The following RIMBP2 variants were observed in gnomAD, a reference collection of about 807,000 sequenced individuals.
RIMBP2 encodes the protein RIMS-binding protein 2.
RIMBP2 carries 48 observed loss-of-function variants against 118.6 expected under a neutral mutation model. The observed-to-expected ratio is 0.40, with a 90% CI of 0.32 to 0.51. RIMBP2 has a LOEUF of 0.51. Among genes scored for constraint, RIMBP2 ranks in the 20% least tolerant of loss-of-function variants. The pLI, the probability that RIMBP2 is intolerant of heterozygous loss-of-function variation, is 0.41. For missense variants in RIMBP2, 1,551 were observed against 1,768.3 expected (o/e 0.88, Z 2.20); for synonymous variants, 762 against 742.9 (o/e 1.03, Z -0.42).
chr12:130,483,449 C>T (rs1242450031), intron 4 of RIMBP2, among the ~76,000 whole-genome samples: 1 of 152,224 alleles, frequency 6.6e-6, no homozygotes, highest in Non-Finnish European at 1.5e-5. Flanking sequence ...AAATAAACTG[C>T]TAAAAATATA....
rs774900484 is a variant in RIMBP2, at chr12:130,450,157, C to T, written c.581+43G>A. On this transcript the variant is annotated intron_variant, in intron 9 of 22. Coordinates refer to ENST00000690449, the MANE Select transcript of RIMBP2 (RefSeq NM_001393629.1). The surrounding 1 kb of genome is among the most constrained non-coding windows in gnomAD (Gnocchi z 4.8). ...TTCCCAGACCCAACATCTCATCTGC[C>T]CCACTCACAGGGGCTCGGTGGACGC... is the stretch of plus-strand genomic sequence containing the variant. The T allele has an allele frequency of 7.7e-7, 1 of 1,305,490 alleles. No individual in the cohort carries two copies. Among genetic ancestry groups the T allele is most frequent in the South Asian group, 1.2e-5 (1 of 81,094 alleles). The allele number at this position is 1,305,490 out of a possible 1,614,324, so 80.9% of individuals were successfully genotyped here.
intron 1 of RIMBP2, among the ~76,000 whole-genome samples, chr12:130,708,202 C>T (rs940075766): frequency 6.6e-6 from 1 of 152,158 alleles, no homozygotes; most frequent in Non-Finnish European, 1.5e-5. Context: ...ATAGAGACAG[C>T]AGATTCGCAG....
chr12:130,648,554 ATG>A (rs2063088287), intron 1 of RIMBP2, among the ~76,000 whole-genome samples: 1 of 145,884 alleles, frequency 6.9e-6, no homozygotes, highest in Admixed American at 6.9e-5. Flanking sequence ...TTAATGAGGT[ATG>A]TGTTTTTCTA....
At chr12:130,630,133 G>A (rs1409814844) in intron 1 of RIMBP2, among the ~76,000 whole-genome samples, 1 of 151,900 alleles carries the variant, frequency 6.6e-6, no homozygotes, top group Non-Finnish European at 1.5e-5. Flanking sequence ...AGATTTGGAT[G>A]ATAAAAGATA....
At chr12:130,625,252 T>C (rs2061553227) in intron 2 of RIMBP2, among the ~76,000 whole-genome samples, 2 of 152,354 alleles carry the variant, frequency 1.3e-5, no homozygotes, top group South Asian at 4.1e-4. Context: ...GTGAAAGTTG[T>C]TGATAACTTT....
chr12:130,629,571 A>G (rs1452293650), intron 1 of RIMBP2, among the ~76,000 whole-genome samples: 1 of 152,212 alleles, frequency 6.6e-6, no homozygotes, highest in Non-Finnish European at 1.5e-5. Context: ...GGTAGAGGTC[A>G]TAACAGCCAA....
chr12:130,429,608 G>A (rs1427088365), intron 14 of RIMBP2: 2 of 152,288 alleles, frequency 1.3e-5, no homozygotes, highest in Non-Finnish European at 2.9e-5. Flanking sequence ...GGTGTGGCAA[G>A]ACAAAGGTAT....
rs1325699190 is a variant in RIMBP2 at position 130,527,743 on chromosome 12, C to A, written c.-216-9826G>T. 9.6e-5 allele frequency among the ~76,000 whole-genome samples: 11 copies of A among 114,172 alleles called. 1 individual carries two copies. Among genetic ancestry groups the A allele is most frequent in the Admixed American group, 7.0e-4 (8 of 11,372 alleles). The allele number at this position is 114,172 out of a possible 152,430, so 74.9% of individuals were successfully genotyped here. ...TCTACAAGGAACTTAAACAGACTTACAAGAGAAAAAAAAAAAAACATTAAA... is the reference window on the plus strand; with the variant it reads ...TCTACAAGGAACTTAAACAGACTTAAAAGAGAAAAAAAAAAAAACATTAAA... On this transcript the variant is annotated intron_variant, in intron 2 of 22. Transcript: ENST00000690449.
intron 17 of RIMBP2, among the ~76,000 whole-genome samples, chr12:130,417,113 G>C (rs1267307385): frequency 6.6e-6 from 1 of 152,108 alleles, no homozygotes; most frequent in Non-Finnish European, 1.5e-5. Context: ...GCAAAGAAAA[G>C]AAACACTTAA....
chr12:130,483,427 G>A (rs185817464), intron 4 of RIMBP2, among the ~76,000 whole-genome samples: 4 of 152,298 alleles, frequency 2.6e-5, no homozygotes, highest in Admixed American at 2.6e-4. Context: ...AATAAAAGGG[G>A]AGAAACAGAA....
At chr12:130,519,165 T>C (rs886209408) in intron 2 of RIMBP2, among the ~76,000 whole-genome samples, 1 of 152,238 alleles carries the variant, frequency 6.6e-6, no homozygotes, top group Non-Finnish European at 1.5e-5. Context: ...TTCATCTCTG[T>C]TACAATATTT....
intron 1 of RIMBP2, among the ~76,000 whole-genome samples, chr12:130,695,200 T>C (rs1489423165): frequency 6.6e-6 from 1 of 152,210 alleles, no homozygotes; most frequent in Non-Finnish European, 1.5e-5. Context: ...GAGCCTTCCC[T>C]GGTCATGACA....
chr12:130,558,383 T>A (rs1204157283), intron 2 of RIMBP2, among the ~76,000 whole-genome samples: 1 of 152,190 alleles, frequency 6.6e-6, no homozygotes, highest in Non-Finnish European at 1.5e-5. Context: ...CACCTCTCTC[T>A]GCAAACACAC....
At chr12:130,407,890 T>A (rs776515378) in intron 19 of RIMBP2, 61 bp from the exon 20 acceptor site, 41 of 1,466,180 alleles carry the variant, frequency 2.8e-5, no homozygotes, top group Non-Finnish European at 3.8e-5. Context: ...TTAGCGGTGT[T>A]CCCCTCCTTC....
chr12:130,472,694 G>A (rs866742809), intron 5 of RIMBP2, among the ~76,000 whole-genome samples: 8 of 152,250 alleles, frequency 5.3e-5, no homozygotes, highest in South Asian at 2.1e-4. Context: ...AATTCCGTGC[G>A]CTGAAAACAG....
chr12:130,428,263 C>T lies in RIMBP2; in HGVS notation c.2328G>A (p.Glu776=), dbSNP rs2076922758. The T allele has an allele frequency of 1.2e-6, 2 of 1,613,650 alleles. No individual in the cohort carries two copies. Among genetic ancestry groups the T allele is most frequent in the Admixed American group, 1.7e-5 (1 of 59,936 alleles). ...TTTCAGAATACAGCTCCTCCTCGTC[C>T]TCCTCCATGATGTCTGAGAGGTCAG... ...RGSDLSDIME[E]DEEELYSEMQ... The change falls in exon 15 of 23, where the codon GAG becomes GAA. Residue 776 remains glutamate, a synonymous_variant. Coordinates refer to ENST00000690449, the MANE Select transcript of RIMBP2 (RefSeq NM_001393629.1).
intron 2 of RIMBP2, among the ~76,000 whole-genome samples, chr12:130,545,079 C>T (rs755054436): frequency 2.6e-5 from 4 of 152,194 alleles, no homozygotes; most frequent in Non-Finnish European, 4.4e-5. Context: ...ACTTATAAAA[C>T]AGTTTACTGG....
chr12:130,643,776 C>T (rs1413709688), intron 1 of RIMBP2, among the ~76,000 whole-genome samples: 1 of 152,086 alleles, frequency 6.6e-6, no homozygotes, highest in African/African-American at 2.4e-5. Flanking sequence ...GCAGACATGC[C>T]CACAGAGCAA....
At chr12:130,535,702 T>C (rs1434261478) in intron 2 of RIMBP2, among the ~76,000 whole-genome samples, 1 of 143,890 alleles carries the variant, frequency 6.9e-6, no homozygotes, top group Non-Finnish European at 1.5e-5. Context: ...TACATATATA[T>C]ACACATATAC....
Sources: allele counts gnomAD v4.1 joint callset (sites outside exome capture counted in the v4.1 genomes callset), GRCh38; gene constraint gnomAD v4.1.1; non-coding constraint Gnocchi (gnomAD v3.1); transcripts MANE v1.5; gene names NCBI Gene and HGNC (gene_info 2026-07-23, HGNC 2026-07-21).